Variants in SLC7A6OS observed in about 807,000 individuals in gnomAD.
SLC7A6OS encodes probable RNA polymerase II nuclear localization protein SLC7A6OS.
SLC7A6OS carries 22 observed loss-of-function variants against 34.3 expected under a neutral mutation model. The ratio of observed to expected loss-of-function variants is 0.64; its 90% CI spans 0.46 to 0.92. The LOEUF is 0.92. SLC7A6OS is among the 40% of genes least tolerant of loss of function. SLC7A6OS has a pLI of 0.00. For synonymous variants in SLC7A6OS, 199 were observed against 165.0 expected (o/e 1.21, Z -1.58); for missense variants, 434 against 407.7 (o/e 1.06, Z -0.56).
intron 2 of SLC7A6OS, among the ~76,000 whole-genome samples, chr16:68,305,998 C>T (rs1217743894): frequency 6.6e-6 from 1 of 152,034 alleles, no homozygotes; most frequent in East Asian, 1.9e-4. Flanking sequence ...GAGGCTGCAC[C>T]GAGCCGTGAT....
At chr16:68,305,606 A>G (rs1223333052) in intron 2 of SLC7A6OS, among the ~76,000 whole-genome samples, 2 of 152,222 alleles carry the variant, frequency 1.3e-5, no homozygotes, top group Non-Finnish European at 2.9e-5. Context: ...GACCAATGCT[A>G]TAATTTACAG....
chr16:68,303,264 A>G (rs1334281012), intron 3 of SLC7A6OS, among the ~76,000 whole-genome samples: 1 of 79,052 alleles, frequency 1.3e-5, no homozygotes, highest in African/African-American at 6.7e-5. Context: ...ACTCCATCTC[A>G]AAAAAAAAAA....
rs1044833319 is a variant in SLC7A6OS at position 68,298,681 on chromosome 16, C to G, written c.*2594G>C. 1 of 152,320 alleles carries G rather than the reference C, an allele frequency of 6.6e-6. No homozygotes were observed. Among genetic ancestry groups the G allele is most frequent in the Non-Finnish European group, 1.5e-5 (1 of 68,112 alleles). The allele number at this position is 152,320 out of a possible 1,614,324, so 9.4% of individuals were successfully genotyped here. On this transcript the variant is annotated 3_prime_UTR_variant, in exon 5 of 5. Transcript: ENST00000263997. ...GAAAGCTGCTTCAACCTGAGTCCGG[C>G]TCTTCAGCAGGCTGCACAAGTGGAA...
At position 68,310,901 on chromosome 16, in the gene SLC7A6OS, A is replaced by T; in HGVS notation, c.26T>A (p.Leu9His). 1 of 1,597,790 alleles carries T rather than the reference A, an allele frequency of 6.3e-7. No homozygotes were observed. The highest frequency in any genetic ancestry group is 1.1e-5 in the South Asian group (1 of 89,994). MEAARTAV[L>H]RVKRKRSAEP... ...CGCACTGCGCTTCCGCTTCACCCGGAGTACAGCGGTCCTGGCGGCCTCCAT... is the reference window on the plus strand; with the variant it reads ...CGCACTGCGCTTCCGCTTCACCCGGTGTACAGCGGTCCTGGCGGCCTCCAT... The change falls in exon 1 of 5, where the codon CTC becomes CAC. Residue 9 changes from leucine (L) to histidine (H), a missense_variant. By Grantham distance (99) the Leu-to-His change is moderately conservative (BLOSUM62 -3). Transcript: ENST00000263997.
chr16:68,307,085 T>A (rs1343179350), intron 2 of SLC7A6OS, among the ~76,000 whole-genome samples: 1 of 152,226 alleles, frequency 6.6e-6, no homozygotes, highest in Admixed American at 6.5e-5. Context: ...TTCATGGTTA[T>A]CAGTTCTAAG....
chr16:68,304,268 A>G, intron 2 of SLC7A6OS, 36 bp from the exon 3 acceptor site: 1 of 1,572,548 alleles, frequency 6.4e-7, no homozygotes, highest in South Asian at 1.1e-5. Context: ...CACACGCATG[A>G]CCCAAAACAT....
At chr16:68,301,554 T>C in intron 4 of SLC7A6OS, 149 bp from the exon 5 acceptor site, 1 of 611,820 alleles carries the variant, frequency 1.6e-6, no homozygotes, top group Non-Finnish European at 2.6e-6. Context: ...GAATTCTTTT[T>C]TTTTTAAAGA....
rs780623572 is a variant in SLC7A6OS, at chr16:68,310,850, G to T, written c.77C>A (p.Ala26Asp). The T allele has an allele frequency of 3.7e-6, 6 of 1,613,016 alleles. No homozygotes were observed. The South Asian group carries it at 6.6e-5, about 18-fold the overall frequency. Residue 26 changes from alanine (A) to aspartate (D), a missense_variant, in exon 1 of 5, where the codon GCT becomes GAT. Transcript: ENST00000263997. ...SAEPAEALVL[A>D]CKRLRSDAVE... ...CGCGTCGCTCCGGAGGCGTTTACAA[G>T]CGAGCACAAGAGCCTCCGCCGGCTC...
intron 2 of SLC7A6OS, among the ~76,000 whole-genome samples, chr16:68,307,948 C>A (rs556651584): frequency 1.3e-5 from 2 of 152,314 alleles, no homozygotes; most frequent in South Asian, 4.1e-4. Context: ...CTCGCCCAGG[C>A]TGGAGTGCAG....
At chr16:68,308,653 A>G (rs1334854231) in intron 2 of SLC7A6OS, among the ~76,000 whole-genome samples, 2 of 152,162 alleles carry the variant, frequency 1.3e-5, no homozygotes, top group Non-Finnish European at 2.9e-5. Context: ...AACAATAAAC[A>G]ATTACACTAG....
rs146039260 is a variant in SLC7A6OS, at chr16:68,304,123, T to A, written c.581A>T (p.Asp194Val). The stretch of plus-strand genomic sequence containing the variant: ...GTAGTAAATGTCATACACATAGTCA[T>A]CGTGTTTTTGTTCTTCCTGGCGCCT... ...GVRRQEEQKH[D>V]DYVYDIYYLE... Residue 194 changes from aspartate to valine, a missense_variant, in exon 3 of 5, where the codon GAT (aspartate) becomes GTT (valine). Asp to Val is a radical substitution (Grantham distance 152, BLOSUM62 -3). Transcript: ENST00000263997. 8.7e-6 allele frequency: 14 copies of A among 1,614,078 alleles called. No homozygotes were observed. The African/African-American group carries it at 1.3e-4, about 15-fold the overall frequency.
rs537044509 is a variant in SLC7A6OS at position 68,310,944 on chromosome 16, A to G, written c.-18T>C. On this transcript the variant is annotated 5_prime_UTR_variant, in exon 1 of 5. Transcript: ENST00000263997. ...GCCTCCATAGTGGCTGCCGCTGAGCACTGTGGGAGCTCGCGGGGTGTGATG... is the reference window on the plus strand; with the variant it reads ...GCCTCCATAGTGGCTGCCGCTGAGCGCTGTGGGAGCTCGCGGGGTGTGATG... 1.3e-6 allele frequency: 2 copies of G among 1,561,258 alleles called. No homozygotes were observed. The highest frequency in any genetic ancestry group is 8.6e-7 in the Non-Finnish European group (1 of 1,158,620).
chr16:68,301,549 C>CTT lies in SLC7A6OS; in HGVS notation c.800-146_800-145dup, dbSNP rs112503740. ...AATAAATAAAAAAGAATATAGAATTCTTTTTTTTTTAAAGAAGGAATCACT... is the reference window on the plus strand; with the variant it reads ...AATAAATAAAAAAGAATATAGAATTCTTTTTTTTTTTTAAAGAAGGAATCACT... On this transcript the variant is annotated intron_variant, in intron 4 of 4. Transcript: ENST00000263997. 4.0e-5 allele frequency: 23 copies of CTT among 575,608 alleles called. No individual in the cohort carries two copies. In the South Asian group the frequency reaches 4.8e-4, roughly 12 times the overall value. The allele number at this position is 575,608 out of a possible 1,614,324, so 35.7% of individuals were successfully genotyped here.
chr16:68,306,571 C>T (rs2043328219), intron 2 of SLC7A6OS, among the ~76,000 whole-genome samples: 1 of 152,062 alleles, frequency 6.6e-6, no homozygotes, highest in South Asian at 2.1e-4. Flanking sequence ...GCCTTGAACT[C>T]CTAGCCTTAG....
At chr16:68,301,463 G>A in intron 4 of SLC7A6OS, 58 bp from the exon 5 acceptor site, 3 of 1,500,156 alleles carry the variant, frequency 2.0e-6, no homozygotes, top group Middle Eastern at 1.7e-4. Flanking sequence ...TACTGCAGGA[G>A]CCCCTTCTCT....
rs2043309527 is a variant in SLC7A6OS, at chr16:68,304,204, T to C, written c.500A>G (p.Asn167Ser). ...TCGCTCACGGATCAACTCTACAGAA[T>C]TGCAGAGGATCACATCTGGGTCAGA... The part of the protein sequence containing the change: ...KTSDPDVILC[N>S]SVELIRERLT... Residue 167 changes from asparagine (N) to serine (S), a missense_variant, in exon 3 of 5, where the codon AAT (asparagine) becomes AGT (serine). By Grantham distance (46) the Asn-to-Ser change is conservative (BLOSUM62 1). Transcript: ENST00000263997. 3.7e-6 allele frequency: 6 copies of C among 1,614,156 alleles called. No homozygotes were observed. The highest frequency in any genetic ancestry group is 1.6e-4 in the Middle Eastern group (1 of 6,062).
chr16:68,300,415 CTGT>C lies in SLC7A6OS; in HGVS notation c.*857_*859del, dbSNP rs2043249355. 1 of 158,622 alleles carries C rather than the reference CTGT, an allele frequency of 6.3e-6. No homozygotes were observed. Among genetic ancestry groups the C allele is most frequent in the African/African-American group, 2.4e-5 (1 of 41,530 alleles). 9.8% of individuals were successfully genotyped at this position (158,622 alleles called of 1,614,324 possible). A position where few individuals can be genotyped will look rare whatever the true frequency, so the allele number is the denominator to read the frequency against. On this transcript the variant is annotated 3_prime_UTR_variant, in exon 5 of 5. Coordinates refer to ENST00000263997, the MANE Select transcript of SLC7A6OS (RefSeq NM_032178.3). Reference sequence around the variant, plus strand: ...ATACAAGTTGTTAATAAAATTGATCCTGTTGATAGTAGTTTGTTTTTGTGGTGG... The same window carrying C: ...ATACAAGTTGTTAATAAAATTGATCCTGATAGTAGTTTGTTTTTGTGGTGG...
Position 68,301,231 on chromosome 16 carries a change from C to T in SLC7A6OS, c.*44G>A. The T allele has an allele frequency of 1.9e-6, 3 of 1,592,708 alleles. No individual in the cohort carries two copies. The highest frequency in any genetic ancestry group is 2.6e-6 in the Non-Finnish European group (3 of 1,166,828). ...AGGGCAGTTAACTCTGGACTCAGAG[C>T]CCTCAAGGGCATGTGGCAGAACCTC... On this transcript the variant is annotated 3_prime_UTR_variant, in exon 5 of 5. Transcript: ENST00000263997.
At chr16:68,305,967 AG>A (rs1162808769) in intron 2 of SLC7A6OS, among the ~76,000 whole-genome samples, 1 of 152,062 alleles carries the variant, frequency 6.6e-6, no homozygotes, top group Non-Finnish European at 1.5e-5. Flanking sequence ...CTGAGGCAGG[AG>A]GATCACATGA....
Sources: allele counts gnomAD v4.1 joint callset (sites outside exome capture counted in the v4.1 genomes callset), GRCh38; gene constraint gnomAD v4.1.1; transcripts MANE v1.5; gene names NCBI Gene and HGNC (gene_info 2026-07-23, HGNC 2026-07-21).